The following C3 variants were observed in gnomAD, a reference collection of about 807,000 sequenced individuals.
The protein encoded by C3 is complement C3.
C3 carries 97 observed loss-of-function variants against 207.9 expected under a neutral mutation model. The ratio of observed to expected loss-of-function variants is 0.47; its 90% CI spans 0.40 to 0.55. C3 has a LOEUF of 0.55. C3 is among the 20% of genes least tolerant of loss of function. C3 has a pLI of 0.00. For synonymous variants in C3, 848 were observed against 857.6 expected (o/e 0.99, Z 0.20); for missense variants, 1,684 against 2,171.7 (o/e 0.78, Z 4.46).
intron 38 of C3, among the ~76,000 whole-genome samples, chr19:6,678,904 C>T (rs1190985889): frequency 6.6e-6 from 1 of 152,172 alleles, no homozygotes; most frequent in Non-Finnish European, 1.5e-5. Context: ...CGCAATGATG[C>T]ATACAACCAC....
chr19:6,708,283 C>T (rs575325235), intron 14 of C3, among the ~76,000 whole-genome samples: 1 of 152,126 alleles, frequency 6.6e-6, no homozygotes, highest in South Asian at 2.1e-4. Context: ...ACTACAGGTG[C>T]ATGCCACCAT....
Position 6,711,201 on chromosome 19 carries a change from G to A in C3, c.1270-5C>T, listed in dbSNP as rs1450646196. 1.2e-6 allele frequency: 2 copies of A among 1,611,250 alleles called. No homozygotes were observed. Among genetic ancestry groups the A allele is most frequent in the African/African-American group, 1.3e-5 (1 of 74,988 alleles). On this transcript the variant is annotated splice_region_variant and splice_polypyrimidine_tract_variant and intron_variant, in intron 11 of 40. Coordinates refer to ENST00000245907, the MANE Select transcript of C3 (RefSeq NM_000064.4). ...CTCCTGCTTCTTCGTGCGCACCTGG[G>A]TGGGGAAAGAGGGATGCCTGCTGGT...
At chr19:6,690,753 A>T in intron 26 of C3, 26 bp from the exon 27 acceptor site, 1 of 1,579,494 alleles carries the variant, frequency 6.3e-7, no homozygotes, top group Non-Finnish European at 8.7e-7. Context: ...GAAAGCAAGG[A>T]TGGGGTCACC....
intron 38 of C3, 65 bp downstream of exon 38, chr19:6,679,060 C>T: frequency 7.8e-7 from 1 of 1,274,054 alleles, no homozygotes; most frequent in South Asian, 1.2e-5. Context: ...ACCACACCTA[C>T]CACCCACCAC....
rs536391910 is a variant in C3, at chr19:6,718,490, G to T, written c.268-78C>A. On this transcript the variant is annotated intron_variant, in intron 2 of 40. Transcript: ENST00000245907. ...GGTCCAGCTTCCGGATCTTGGGCTG[G>T]GTCCCTCCTTGCCTGCCCATTATTC... 6 of 1,561,308 alleles carry T rather than the reference G, an allele frequency of 3.8e-6. No individual in the cohort carries two copies. In the East Asian group the frequency reaches 9.0e-5, roughly 23 times the overall value.
chr19:6,700,302 A>T (rs8113688), intron 19 of C3, among the ~76,000 whole-genome samples: 3 of 15,376 alleles, frequency 2.0e-4, no homozygotes, highest in African/African-American at 3.3e-4. Flanking sequence ...TGTGATATGC[A>T]ATATATATTA....
Position 6,679,217 on chromosome 19 carries a change from T to G in C3, c.4547-9A>C, listed in dbSNP as rs1238257686. On this transcript the variant is annotated splice_polypyrimidine_tract_variant and intron_variant, in intron 37 of 40. Coordinates refer to ENST00000245907, the MANE Select transcript of C3 (RefSeq NM_000064.4). ...TTGTATGAAGCAATTCTCTGCAGGGTGGGGTGGAGACAGGGTCTAAGTCCC... is the reference window on the plus strand; with the variant it reads ...TTGTATGAAGCAATTCTCTGCAGGGGGGGGTGGAGACAGGGTCTAAGTCCC... The G allele has an allele frequency of 6.2e-7, 1 of 1,613,008 alleles. No individual in the cohort carries two copies. Among genetic ancestry groups the G allele is most frequent in the East Asian group, 2.2e-5 (1 of 44,874 alleles).
chr19:6,700,314 A>G (rs1967619569), intron 19 of C3, among the ~76,000 whole-genome samples: 1 of 127,202 alleles, frequency 7.9e-6, no homozygotes, highest in South Asian at 2.4e-4. Context: ...TATATATTAT[A>G]TGTAATATAA....
At chr19:6,695,661 G>A (rs1458484022) in intron 23 of C3, among the ~76,000 whole-genome samples, 1 of 151,776 alleles carries the variant, frequency 6.6e-6, no homozygotes, top group African/African-American at 2.4e-5. Context: ...TGTATTTTTA[G>A]TAGAGACAGG....
At chr19:6,718,070 C>T (rs1440652840) in intron 4 of C3, 24 bp downstream of exon 4, 3 of 1,612,758 alleles carry the variant, frequency 1.9e-6, no homozygotes, top group Non-Finnish European at 2.5e-6. Context: ...CCCTGCTTCC[C>T]CTGGGGCCCC....
chr19:6,690,252 T>C (rs912287018), intron 27 of C3, among the ~76,000 whole-genome samples: 1 of 152,226 alleles, frequency 6.6e-6, no homozygotes, highest in Non-Finnish European at 1.5e-5. Context: ...GTACTGATCA[T>C]GTAGCACTGA....
At chr19:6,679,012 A>G in intron 38 of C3, 113 bp downstream of exon 38, 3 of 803,090 alleles carry the variant, frequency 3.7e-6, no homozygotes, top group Non-Finnish European at 6.6e-6. Context: ...CACACACCAC[A>G]GTCACCCACA....
chr19:6,692,885 C>T (rs555151051), intron 26 of C3, 39 bp downstream of exon 26: 5 of 1,608,810 alleles, frequency 3.1e-6, no homozygotes, highest in Non-Finnish European at 4.2e-6. Context: ...GACTCAGGAG[C>T]CCCTCTCTTC....
chr19:6,718,447 C>G, intron 2 of C3, 35 bp from the exon 3 acceptor site: 1 of 1,612,578 alleles, frequency 6.2e-7, no homozygotes. Flanking sequence ...GGGGTCTGTT[C>G]CAAGGCCCCA....
chr19:6,700,199 T>G (rs1967614130), intron 19 of C3, among the ~76,000 whole-genome samples: 1 of 134,140 alleles, frequency 7.5e-6, no homozygotes, highest in Non-Finnish European at 1.5e-5. Flanking sequence ...ATATTACATG[T>G]GTAATATGTA....
Position 6,697,670 on chromosome 19 carries a change from C to T in C3, c.2565G>A (p.Arg855=), listed in dbSNP as rs750147097. 5.0e-6 allele frequency: 8 copies of T among 1,614,060 alleles called. No homozygotes were observed. The highest frequency in any genetic ancestry group is 2.7e-5 in the African/African-American group (2 of 75,006). ...VEIRAVLYNY[R]QNQELKVRVE... ...GACCCACCTTGAGCTCTTGGTTCTG[C>T]CGGTAATTGTAGAGAACGGCTCGGA... The change falls in exon 20 of 41, where the codon CGG becomes CGA. Residue 855 remains arginine (R), a synonymous_variant. Transcript: ENST00000245907.
Position 6,679,390 on chromosome 19 carries a change from G to A in C3, c.4546+17C>T, listed in dbSNP as rs754579424. On this transcript the variant is annotated intron_variant, in intron 37 of 40. Transcript: ENST00000245907. ...GGCTTGCTCAGACCCACCTGTTCCCGGCTCCAGGGAACTCACCCTCAGCAC... is the reference window on the plus strand; with the variant it reads ...GGCTTGCTCAGACCCACCTGTTCCCAGCTCCAGGGAACTCACCCTCAGCAC... 1.4e-5 allele frequency: 22 copies of A among 1,597,210 alleles called. No homozygotes were observed. Among genetic ancestry groups the A allele is most frequent in the African/African-American group, 1.1e-4 (8 of 74,566 alleles).
chr19:6,702,645 C>T, intron 17 of C3, 66 bp from the exon 18 acceptor site: 5 of 1,155,008 alleles, frequency 4.3e-6, no homozygotes, highest in Non-Finnish European at 6.6e-6. Flanking sequence ...TGCCTGAAAT[C>T]CCAGCACTTA....
At chr19:6,712,067 T>C (rs1295373938) in intron 11 of C3, among the ~76,000 whole-genome samples, 190 bp downstream of exon 11, 1 of 152,032 alleles carries the variant, frequency 6.6e-6, no homozygotes, top group Non-Finnish European at 1.5e-5. Flanking sequence ...GACCCCACTG[T>C]GCAGGACAGA....
Sources: allele counts gnomAD v4.1 joint callset (sites outside exome capture counted in the v4.1 genomes callset), GRCh38; gene constraint gnomAD v4.1.1; transcripts MANE v1.5; gene names NCBI Gene and HGNC (gene_info 2026-07-23, HGNC 2026-07-21).